The following AGBL1 variants were observed in gnomAD, a reference collection of about 807,000 sequenced individuals.
AGBL1 encodes AGBL carboxypeptidase 1.
A neutral mutation model predicts 118.9 loss-of-function variants in AGBL1; 130 were observed. That is an observed-to-expected ratio of 1.09 (90% confidence interval 0.95 to 1.26). AGBL1 has a LOEUF of 1.26. Ranked by LOEUF, AGBL1 falls within the 50% of genes most tolerant of loss-of-function variation. The probability of loss-of-function intolerance (pLI) is 0.00; values close to 1 mark genes in which losing one functional copy is unlikely to be tolerated. For missense variants in AGBL1, 1,584 were observed against 1,298.1 expected (o/e 1.22, Z -3.38); for synonymous variants, 555 against 478.9 (o/e 1.16, Z -2.08).
At chr15:87,009,518 C>T (rs2081536772) in intron 24 of AGBL1, among the ~76,000 whole-genome samples, 1 of 152,224 alleles carries the variant, frequency 6.6e-6, no homozygotes, top group Non-Finnish European at 1.5e-5. Context: ...GGAGCCCCCA[C>T]ACAGAGTCCC....
At chr15:86,848,944 C>T (rs1221081734) in intron 22 of AGBL1, among the ~76,000 whole-genome samples, 1 of 152,204 alleles carries the variant, frequency 6.6e-6, no homozygotes, top group Middle Eastern at 3.4e-3. Context: ...CTTGGCAACC[C>T]TACTGATGAG....
intron 21 of AGBL1, among the ~76,000 whole-genome samples, chr15:86,644,091 A>G (rs913883228): frequency 5.3e-5 from 8 of 152,218 alleles, no homozygotes; most frequent in African/African-American, 1.9e-4. Flanking sequence ...AATATACTGT[A>G]TGTCTATTCA....
At chr15:87,008,651 A>G (rs1454558778) in intron 24 of AGBL1, among the ~76,000 whole-genome samples, 1 of 152,212 alleles carries the variant, frequency 6.6e-6, no homozygotes, top group East Asian at 1.9e-4. Flanking sequence ...GGACAGGAAA[A>G]TGTGGAAAAG....
At chr15:86,506,522 C>A (rs1234837503) in intron 18 of AGBL1, among the ~76,000 whole-genome samples, 1 of 152,070 alleles carries the variant, frequency 6.6e-6, no homozygotes, top group African/African-American at 2.4e-5. Context: ...TTCCTTTTGC[C>A]TGTGAACAGA....
At chr15:86,880,118 T>C (rs1416548349) in intron 22 of AGBL1, among the ~76,000 whole-genome samples, 1 of 152,228 alleles carries the variant, frequency 6.6e-6, no homozygotes, top group African/African-American at 2.4e-5. Context: ...TTTACATTTT[T>C]CTTTTCTTGT....
chr15:86,207,385 C>G (rs1023543592), intron 5 of AGBL1, among the ~76,000 whole-genome samples: 1 of 152,122 alleles, frequency 6.6e-6, no homozygotes, highest in African/African-American at 2.4e-5. Flanking sequence ...GGCATTGAAT[C>G]TATAAATTAC....
At chr15:86,134,624 T>C (rs113205492) in intron 1 of AGBL1, among the ~76,000 whole-genome samples, 11,237 of 137,416 alleles carry the variant, frequency 0.082, 725 homozygotes, top group African/African-American at 0.3. Context: ...TTTTTTTTTT[T>C]TTTTTTTGAG....
intron 17 of AGBL1, among the ~76,000 whole-genome samples, chr15:86,391,715 C>A (rs2081290867): frequency 6.8e-6 from 1 of 147,522 alleles, no homozygotes; most frequent in Non-Finnish European, 1.5e-5. Flanking sequence ...TAGTATGCCC[C>A]AGAAAGGGCT....
chr15:86,184,365 A>G (rs1191820175), intron 5 of AGBL1, among the ~76,000 whole-genome samples: 1 of 151,968 alleles, frequency 6.6e-6, no homozygotes, highest in African/African-American at 2.4e-5. Context: ...TTGGAGGGCA[A>G]TTGTTAAAAG....
intron 22 of AGBL1, among the ~76,000 whole-genome samples, chr15:86,817,340 T>G (rs1338520304): frequency 6.6e-6 from 1 of 150,582 alleles, no homozygotes; most frequent in African/African-American, 2.4e-5. Flanking sequence ...GGCCAAGCCT[T>G]CTAAATGCTC....
intron 21 of AGBL1, among the ~76,000 whole-genome samples, chr15:86,670,585 C>G (rs187135207): frequency 2.4e-5 from 3 of 125,866 alleles, no homozygotes; most frequent in Admixed American, 8.0e-5. Context: ...GCCTGGGTGA[C>G]AAGAGTGAAA....
At chr15:86,699,189 G>A (rs751364517) in intron 22 of AGBL1, among the ~76,000 whole-genome samples, 2 of 151,722 alleles carry the variant, frequency 1.3e-5, no homozygotes, top group African/African-American at 4.8e-5. Flanking sequence ...TCTTCATTGA[G>A]ATTTGTCAAA....
chr15:86,220,774 A>G (rs2078268295), intron 5 of AGBL1, among the ~76,000 whole-genome samples: 1 of 152,120 alleles, frequency 6.6e-6, no homozygotes, highest in African/African-American at 2.4e-5. Flanking sequence ...AAACATGGGG[A>G]CATCCATTTG....
At chr15:86,096,366 A>G (rs1033187772) in intron 1 of AGBL1, among the ~76,000 whole-genome samples, 1 of 152,188 alleles carries the variant, frequency 6.6e-6, no homozygotes, top group Non-Finnish European at 1.5e-5. Flanking sequence ...CCAAAAGAAG[A>G]ATAAACACTT....
intron 22 of AGBL1, among the ~76,000 whole-genome samples, chr15:86,728,342 C>A (rs1398586661): frequency 6.6e-6 from 1 of 152,140 alleles, no homozygotes; most frequent in African/African-American, 2.4e-5. Context: ...AGTTCCTTTC[C>A]ATTTGCATGA....
intron 5 of AGBL1, among the ~76,000 whole-genome samples, chr15:86,198,669 T>C (rs1162609866): frequency 1.3e-5 from 2 of 152,036 alleles, no homozygotes; most frequent in Non-Finnish European, 2.9e-5. Context: ...ATTTTCTCTC[T>C]CTCTCTCTCT....
chr15:86,787,457 C>T (rs1274270938), intron 22 of AGBL1, among the ~76,000 whole-genome samples: 1 of 152,156 alleles, frequency 6.6e-6, no homozygotes, highest in Non-Finnish European at 1.5e-5. Flanking sequence ...AATTGCTGTT[C>T]TAGTCTCTGT....
Position 86,476,889 on chromosome 15 carries a change from C to G in AGBL1, c.2556-45921C>G, listed in dbSNP as rs201016483. 9.2e-5 allele frequency among the ~76,000 whole-genome samples: 14 copies of G among 152,336 alleles called. No individual in the cohort carries two copies. In the East Asian group the frequency reaches 1.2e-3, roughly 13 times the overall value. On this transcript the variant is annotated intron_variant, in intron 18 of 22. Transcript: ENST00000614907. ...AAATTATAACAAAGTGTCTCTCAGA[C>G]CACAGTGCAATCAAACTAGAACTCA...
chr15:86,781,164 TTCTC>T (rs1348823672), intron 22 of AGBL1, among the ~76,000 whole-genome samples: 2 of 152,166 alleles, frequency 1.3e-5, no homozygotes, highest in Non-Finnish European at 2.9e-5. Context: ...TTTTTTCAAG[TTCTC>T]TCTGTCATTA....
Sources: allele counts gnomAD v4.1 joint callset (sites outside exome capture counted in the v4.1 genomes callset), GRCh38; gene constraint gnomAD v4.1.1; transcripts MANE v1.5; gene names NCBI Gene and HGNC (gene_info 2026-07-23, HGNC 2026-07-21).